Variants in HS3ST5 observed in about 807,000 individuals in gnomAD.
HS3ST5 encodes the protein heparan sulfate-glucosamine 3-sulfotransferase 5.
A neutral mutation model predicts 25.4 loss-of-function variants in HS3ST5; 10 were observed. That is an observed-to-expected ratio of 0.39 (90% CI 0.24 to 0.67). HS3ST5 has a LOEUF of 0.67. Among genes scored for constraint, HS3ST5 ranks in the 30% least tolerant of loss-of-function variants. HS3ST5 has a pLI of 0.44. For synonymous variants in HS3ST5, 170 were observed against 162.4 expected (o/e 1.05, Z -0.36); for missense variants, 324 against 420.7 (o/e 0.77, Z 2.01).
chr6:114,155,194 T>G (rs1778643344), intron 3 of HS3ST5, among the ~76,000 whole-genome samples: 1 of 152,228 alleles, frequency 6.6e-6, no homozygotes, highest in South Asian at 2.1e-4. Flanking sequence ...TATTTTATTA[T>G]GATACAAATT....
rs553237623 is a variant in HS3ST5 at position 114,212,830 on chromosome 6, T to G, written c.-145+15755A>C. On this transcript the variant is annotated intron_variant, in intron 2 of 4. Coordinates refer to ENST00000312719, the MANE Select transcript of HS3ST5 (RefSeq NM_153612.4). Reference sequence around the variant, plus strand: ...AGGGACTCGAGAAAGGGGTGGTTTGTGTACTCAGCCTGCAACCCTCAACCC... The same window carrying G: ...AGGGACTCGAGAAAGGGGTGGTTTGGGTACTCAGCCTGCAACCCTCAACCC... Among the ~76,000 whole-genome samples the G allele has an allele frequency of 9.2e-5, 14 of 152,282 alleles. No homozygotes were observed. The South Asian group carries it at 2.9e-3, about 32-fold the overall frequency.
intron 3 of HS3ST5, among the ~76,000 whole-genome samples, chr6:114,146,598 A>G (rs566187996): frequency 1.5e-3 from 222 of 152,260 alleles, no homozygotes; most frequent in African/African-American, 5.0e-3. Flanking sequence ...TTCCTAAGTG[A>G]TACGGTTTGT....
chr6:114,105,837 G>T (rs1310835776), intron 3 of HS3ST5, among the ~76,000 whole-genome samples: 1 of 152,054 alleles, frequency 6.6e-6, no homozygotes, highest in Non-Finnish European at 1.5e-5. Flanking sequence ...GAGCATTTTG[G>T]GGTAATATTC....
At chr6:114,262,520 C>A (rs1381420904) in intron 1 of HS3ST5, among the ~76,000 whole-genome samples, 2 of 151,308 alleles carry the variant, frequency 1.3e-5, no homozygotes, top group Non-Finnish European at 2.9e-5. Context: ...GCACTCCAGC[C>A]TGGTTAACAG....
intron 1 of HS3ST5, among the ~76,000 whole-genome samples, chr6:114,306,494 T>C (rs1775304608): frequency 1.3e-5 from 2 of 151,744 alleles, no homozygotes; most frequent in African/African-American, 4.8e-5. Context: ...ATAACATTAC[T>C]AAAACATTGT....
intron 1 of HS3ST5, among the ~76,000 whole-genome samples, chr6:114,303,552 A>T (rs1775171799): frequency 1.3e-5 from 2 of 152,062 alleles, no homozygotes; most frequent in Admixed American, 6.6e-5. Flanking sequence ...CCACTAGTTT[A>T]AGAGAATATA....
chr6:114,099,565 T>C (rs1775621945), intron 3 of HS3ST5, among the ~76,000 whole-genome samples: 2 of 152,120 alleles, frequency 1.3e-5, no homozygotes, highest in South Asian at 4.1e-4. Flanking sequence ...AAAGTGAAGT[T>C]TTCATCATGT....
intron 3 of HS3ST5, among the ~76,000 whole-genome samples, chr6:114,127,853 TATAG>T (rs1487452060): frequency 1.9e-4 from 28 of 147,958 alleles, no homozygotes; most frequent in South Asian, 4.2e-4. Context: ...TATATATATA[TATAG>T]AGAGAGAGAG....
intron 1 of HS3ST5, among the ~76,000 whole-genome samples, chr6:114,297,391 C>A (rs769335777): frequency 2.6e-5 from 4 of 152,032 alleles, no homozygotes; most frequent in Admixed American, 1.3e-4. Context: ...ATGCACCCAG[C>A]CAAGCGGTGT....
At chr6:114,115,122 T>C (rs1191976009) in intron 3 of HS3ST5, among the ~76,000 whole-genome samples, 1 of 152,146 alleles carries the variant, frequency 6.6e-6, no homozygotes, top group African/African-American at 2.4e-5. Context: ...TTTTATTTTT[T>C]ATGCCATCCC....
chr6:114,261,122 G>A (rs1453897369), intron 1 of HS3ST5, among the ~76,000 whole-genome samples: 2 of 152,122 alleles, frequency 1.3e-5, no homozygotes, highest in African/African-American at 4.8e-5. Context: ...GATGAGGAGT[G>A]CGCAACAGTG....
At chr6:114,302,724 T>C (rs1459905086) in intron 1 of HS3ST5, among the ~76,000 whole-genome samples, 1 of 152,174 alleles carries the variant, frequency 6.6e-6, no homozygotes, top group Non-Finnish European at 1.5e-5. Flanking sequence ...TCCTATAGCA[T>C]CCTTACGGGA....
At chr6:114,170,046 C>G (rs1390189705) in intron 2 of HS3ST5, among the ~76,000 whole-genome samples, 3 of 152,114 alleles carry the variant, frequency 2.0e-5, no homozygotes, top group Non-Finnish European at 4.4e-5. Flanking sequence ...GCTTTATCAG[C>G]TCTTTCAATG....
chr6:114,189,160 C>T (rs1780373353), intron 2 of HS3ST5, among the ~76,000 whole-genome samples: 1 of 152,024 alleles, frequency 6.6e-6, no homozygotes, highest in Admixed American at 6.6e-5. Context: ...TGTCTACCTT[C>T]TGAAATGATC....
At chr6:114,292,462 C>G (rs753965369) in intron 1 of HS3ST5, among the ~76,000 whole-genome samples, 3 of 152,154 alleles carry the variant, frequency 2.0e-5, no homozygotes, top group African/African-American at 4.8e-5. Context: ...CAAACACCTC[C>G]CAAAAGTCCC....
At chr6:114,278,728 C>A (rs73542367) in intron 1 of HS3ST5, among the ~76,000 whole-genome samples, 3,043 of 152,074 alleles carry the variant, frequency 0.02, 92 homozygotes, top group African/African-American at 0.07. Flanking sequence ...TGATAAGAAC[C>A]TCTGAGTGAA....
chr6:114,252,581 G>T (rs1023793090), intron 1 of HS3ST5, among the ~76,000 whole-genome samples: 4 of 152,006 alleles, frequency 2.6e-5, no homozygotes, highest in African/African-American at 9.7e-5. Context: ...AAACTTTCAA[G>T]ATGTTTAAGG....
intron 1 of HS3ST5, among the ~76,000 whole-genome samples, chr6:114,283,121 T>A (rs1246858647): frequency 6.6e-6 from 1 of 152,034 alleles, no homozygotes; most frequent in Non-Finnish European, 1.5e-5. Flanking sequence ...TACCATTTTT[T>A]AATTTTAAAA....
At chr6:114,250,022 T>C (rs375220593) in intron 1 of HS3ST5, among the ~76,000 whole-genome samples, 2 of 152,328 alleles carry the variant, frequency 1.3e-5, no homozygotes, top group Middle Eastern at 3.4e-3. Flanking sequence ...TAAATAACTA[T>C]TGATATAATA....
Sources: allele counts gnomAD v4.1 joint callset (sites outside exome capture counted in the v4.1 genomes callset), GRCh38; gene constraint gnomAD v4.1.1; transcripts MANE v1.5; gene names NCBI Gene and HGNC (gene_info 2026-07-23, HGNC 2026-07-21).